Variants in RARB observed in about 807,000 individuals in gnomAD.
The protein encoded by RARB is HBV-activated protein.
A neutral mutation model predicts 51.9 loss-of-function variants in RARB; 17 were observed. The observed-to-expected ratio is 0.33, with a 90% CI of 0.22 to 0.49. The LOEUF is 0.49. Ranked by LOEUF, RARB falls within the 20% of genes least tolerant of loss-of-function variation. The pLI, the probability that RARB is intolerant of heterozygous loss-of-function variation, is 0.99. For synonymous variants in RARB, 215 were observed against 195.4 expected, an observed-to-expected ratio of 1.10 and a Z score of -0.84; for missense variants, 369 against 550.8, an observed-to-expected ratio of 0.67 and a Z score of 3.30.
intron 6 of RARB, 40 bp from the exon 7 acceptor site, chr3:25,594,480 A>C: frequency 1.3e-6 from 2 of 1,553,764 alleles, no homozygotes; most frequent in Non-Finnish European, 1.7e-6. Context: ...AAAAGGGCAT[A>C]AATCCTGATT....
intron 2 of RARB, among the ~76,000 whole-genome samples, chr3:25,037,519 G>C (rs762745763): frequency 6.6e-5 from 10 of 152,056 alleles, no homozygotes; most frequent in Non-Finnish European, 1.2e-4. Flanking sequence ...TTTTTAAGGA[G>C]GTGAATGGAT....
chr3:25,063,140 C>T (rs1420017167), intron 3 of RARB, among the ~76,000 whole-genome samples: 5 of 151,836 alleles, frequency 3.3e-5, no homozygotes, highest in African/African-American at 7.3e-5. Flanking sequence ...GATGTAACAC[C>T]CCCTTTTGAA....
rs563210859 is a variant in RARB at position 24,936,568 on chromosome 3, A to G, written c.-380+77816A>G. Among the ~76,000 whole-genome samples, 11 of 152,338 alleles carry G rather than the reference A, an allele frequency of 7.2e-5. No homozygotes were observed. In the East Asian group the frequency reaches 1.9e-3, roughly 27 times the overall value. ...AATTCTGATAGGGGGATTAATTAGC[A>G]ATAAAGCAACATGAGAAAGAGGGAA... is the stretch of plus-strand genomic sequence containing the variant. On this transcript the variant is annotated intron_variant, in intron 2 of 11. Coordinates refer to the RARB transcript ENST00000383772.
At chr3:24,850,196 T>C (rs1018281251) in intron 1 of RARB, among the ~76,000 whole-genome samples, 3 of 152,200 alleles carry the variant, frequency 2.0e-5, no homozygotes, top group African/African-American at 7.2e-5. Context: ...AAGCCTTCAC[T>C]TCCCAACACA....
chr3:24,980,771 C>T (rs558337596), intron 2 of RARB, among the ~76,000 whole-genome samples: 5 of 152,292 alleles, frequency 3.3e-5, no homozygotes, highest in South Asian at 2.1e-4. Flanking sequence ...TCTGTCAACT[C>T]GTCAAACTCA....
chr3:25,540,388 C>G (rs1699326242), intron 3 of RARB, among the ~76,000 whole-genome samples: 2 of 152,192 alleles, frequency 1.3e-5, no homozygotes, highest in South Asian at 4.1e-4. Flanking sequence ...TGGTCCACAC[C>G]TCGGGGTATG....
upstream of RARB, among the ~76,000 whole-genome samples, chr3:25,423,676 T>A (rs1003111562): frequency 1.3e-5 from 2 of 152,228 alleles, no homozygotes; most frequent in Admixed American, 6.5e-5. Context: ...CATGTATTAC[T>A]TAAATCTAGA....
At chr3:24,961,076 T>G (rs1337071361) in intron 2 of RARB, among the ~76,000 whole-genome samples, 1 of 152,192 alleles carries the variant, frequency 6.6e-6, no homozygotes, top group African/African-American at 2.4e-5. Context: ...ATAAGAGACT[T>G]GAGAAAGCAT....
intron 2 of RARB, among the ~76,000 whole-genome samples, chr3:25,472,545 G>A (rs534620929): frequency 4.9e-4 from 74 of 152,276 alleles, no homozygotes; most frequent in African/African-American, 1.7e-3. Flanking sequence ...GAAGTAGGTG[G>A]AATCGATTGT....
chr3:24,961,012 A>G (rs1696129010), intron 2 of RARB, among the ~76,000 whole-genome samples: 2 of 152,108 alleles, frequency 1.3e-5, no homozygotes, highest in Admixed American at 6.5e-5. Context: ...TCTCAAGTCT[A>G]TTTTCTTATT....
intron 2 of RARB, among the ~76,000 whole-genome samples, chr3:25,030,587 TTTAAA>T (rs2125289774): frequency 6.6e-6 from 1 of 152,360 alleles, no homozygotes; most frequent in Admixed American, 6.5e-5. Context: ...CTGGCAATTC[TTTAAA>T]TTAATAAGTT....
chr3:25,329,088 C>T (rs146258232), intron 5 of RARB, among the ~76,000 whole-genome samples: 1 of 152,226 alleles, frequency 6.6e-6, no homozygotes, highest in Non-Finnish European at 1.5e-5. Flanking sequence ...GTAAACTGCA[C>T]CTCTCAGGGC....
intron 5 of RARB, among the ~76,000 whole-genome samples, chr3:25,234,489 A>T (rs1702256822): frequency 6.6e-6 from 1 of 151,718 alleles, no homozygotes; most frequent in African/African-American, 2.4e-5. Context: ...TTCTCTATAG[A>T]TTTTCTGTTT....
chr3:25,282,388 A>G lies in RARB; in HGVS notation c.178+107813A>G, dbSNP rs77411931. ...TTCTTCAAATGTCACCTTTTCGGTA[A>G]GCCCTGCCTCTACTACCCTATTTAA... On this transcript the variant is annotated intron_variant, in intron 5 of 11. Transcript: ENST00000383772. 7.1e-3 allele frequency among the ~76,000 whole-genome samples: 1,082 copies of G among 152,336 alleles called. 15 individuals are homozygous for G. The highest frequency in any genetic ancestry group is 0.025 in the African/African-American group (1,038 of 41,568).
intron 5 of RARB, among the ~76,000 whole-genome samples, chr3:25,590,875 T>C (rs1386871502): frequency 6.6e-6 from 1 of 152,238 alleles, no homozygotes; most frequent in Non-Finnish European, 1.5e-5. Context: ...GGCTGGGGAT[T>C]GGAAGGCCTG....
At chr3:24,873,047 A>G (rs1702976712) in intron 2 of RARB, among the ~76,000 whole-genome samples, 1 of 152,218 alleles carries the variant, frequency 6.6e-6, no homozygotes, top group Non-Finnish European at 1.5e-5. Flanking sequence ...CTAGCATAAA[A>G]GCAGTTATAG....
At chr3:25,453,396 C>T (rs1033200009) in intron 1 of RARB, among the ~76,000 whole-genome samples, 1 of 151,912 alleles carries the variant, frequency 6.6e-6, no homozygotes, top group African/African-American at 2.4e-5. Context: ...TACAGGCATG[C>T]ATCATCACGC....
rs188300585 is a variant in RARB, at chr3:25,131,433, G to T, written c.-327-728G>T. Among the ~76,000 whole-genome samples the T allele has an allele frequency of 1.1e-4, 17 of 152,088 alleles. No individual in the cohort carries two copies. In the East Asian group the frequency reaches 3.1e-3, roughly 28 times the overall value. ...TGTTTCTTTTTAAACATTTTGATCAGATGTAGGGTTTTATAGTCGTATTGT... is the reference window on the plus strand; with the variant it reads ...TGTTTCTTTTTAAACATTTTGATCATATGTAGGGTTTTATAGTCGTATTGT... On this transcript the variant is annotated intron_variant, in intron 3 of 11. Coordinates refer to the RARB transcript ENST00000383772.
chr3:25,086,255 G>T (rs1015711696), intron 3 of RARB, among the ~76,000 whole-genome samples: 15 of 152,104 alleles, frequency 9.9e-5, no homozygotes, highest in Non-Finnish European at 1.8e-4. Context: ...AACGTGCAAT[G>T]GGCCATCCAT....
Sources: allele counts gnomAD v4.1 joint callset (sites outside exome capture counted in the v4.1 genomes callset), GRCh38; gene constraint gnomAD v4.1.1; transcripts MANE v1.5; gene names NCBI Gene and HGNC (gene_info 2026-07-23, HGNC 2026-07-21).